Variants in EML1 observed in about 807,000 individuals in gnomAD.
EML1 encodes the protein EMAP like 1.
A neutral mutation model predicts 110.4 loss-of-function variants in EML1; 27 were observed. That is an observed-to-expected ratio of 0.24 (90% CI 0.18 to 0.34). The LOEUF is 0.34. Ranked by LOEUF, EML1 falls within the 10% of genes least tolerant of loss-of-function variation. EML1 has a pLI of 1.00. For synonymous variants in EML1, 344 were observed against 385.8 expected (o/e 0.89, Z 1.27); for missense variants, 741 against 1,030.9 (o/e 0.72, Z 3.85).
chr14:99,858,214 T>A (rs2058939272), intron 2 of EML1, among the ~76,000 whole-genome samples: 1 of 151,556 alleles, frequency 6.6e-6, no homozygotes, highest in Non-Finnish European at 1.5e-5. Flanking sequence ...GCAGAGTTTT[T>A]GCTCTTGTTG....
chr14:99,741,497 C>G (rs777419085), intron 1 of EML1, among the ~76,000 whole-genome samples: 1 of 152,084 alleles, frequency 6.6e-6, no homozygotes, highest in Non-Finnish European at 1.5e-5. Context: ...TCTCCAAGTA[C>G]CTCTCTCTGC....
intron 15 of EML1, 83 bp from the exon 16 acceptor site, chr14:99,917,699 G>T (rs1382314697): frequency 4.3e-6 from 3 of 689,702 alleles, no homozygotes; most frequent in Non-Finnish European, 6.9e-6. Flanking sequence ...GAGCGTTTGT[G>T]TGTGCACGCA....
chr14:99,858,775 G>A (rs1317534427), intron 2 of EML1, among the ~76,000 whole-genome samples: 1 of 152,168 alleles, frequency 6.6e-6, no homozygotes, highest in Non-Finnish European at 1.5e-5. Context: ...CTTAGCAAAA[G>A]CAGGTTGCCT....
At chr14:99,798,046 G>A (rs1595295702) in intron 1 of EML1, among the ~76,000 whole-genome samples, 1 of 152,134 alleles carries the variant, frequency 6.6e-6, no homozygotes, top group Non-Finnish European at 1.5e-5. Context: ...ACCTCTCCAG[G>A]CAATCCATTT....
chr14:99,832,714 A>G (rs1233310836), intron 1 of EML1, among the ~76,000 whole-genome samples: 1 of 152,042 alleles, frequency 6.6e-6, no homozygotes, highest in African/African-American at 2.4e-5. Flanking sequence ...AAATTGGGTT[A>G]TTCACTTTCT....
rs565561528 is a variant in EML1 at position 99,755,328 on chromosome 14, G to A, written c.28+17468G>A. Reference sequence around the variant, plus strand: ...GGGCTGCCGGAGGGGCCTGAGAGGCGCTATGCTGATGCTGCCAGAGAGTCA... The same window carrying A: ...GGGCTGCCGGAGGGGCCTGAGAGGCACTATGCTGATGCTGCCAGAGAGTCA... On this transcript the variant is annotated intron_variant, in intron 1 of 10. Transcript: ENST00000554479. Among the ~76,000 whole-genome samples the A allele has an allele frequency of 2.3e-3, 358 of 152,360 alleles. 2 individuals are homozygous for A. Among genetic ancestry groups the A allele is most frequent in the Middle Eastern group, 0.01 (3 of 294 alleles).
At chr14:99,815,864 T>A (rs186510919) in intron 1 of EML1, among the ~76,000 whole-genome samples, 1 of 152,288 alleles carries the variant, frequency 6.6e-6, no homozygotes, top group Non-Finnish European at 1.5e-5. Context: ...GCATCTTGTG[T>A]CATGCTCAGA....
chr14:99,846,183 A>G (rs1471249705), intron 1 of EML1, among the ~76,000 whole-genome samples: 3 of 151,590 alleles, frequency 2.0e-5, no homozygotes, highest in Non-Finnish European at 2.9e-5. Context: ...GCCACTTATT[A>G]TTATCTAAAT....
At chr14:99,866,341 C>T (rs924953904) in intron 3 of EML1, among the ~76,000 whole-genome samples, 2 of 152,076 alleles carry the variant, frequency 1.3e-5, no homozygotes, top group Non-Finnish European at 2.9e-5. Flanking sequence ...GAGGCCAAGG[C>T]GGGCAGATCA....
chr14:99,811,787 G>C (rs1482558186), intron 1 of EML1, among the ~76,000 whole-genome samples: 3 of 150,670 alleles, frequency 2.0e-5, no homozygotes, highest in African/African-American at 7.3e-5. Context: ...TCCAGACTAG[G>C]CAACAGGAAT....
chr14:99,938,483 C>T (rs566437979), intron 20 of EML1, among the ~76,000 whole-genome samples: 1 of 152,342 alleles, frequency 6.6e-6, no homozygotes, highest in East Asian at 1.9e-4. Context: ...GTCGAAAACC[C>T]AACGTGCATC....
At chr14:99,745,362 C>A (rs1228980894) in intron 1 of EML1, among the ~76,000 whole-genome samples, 5 of 152,170 alleles carry the variant, frequency 3.3e-5, no homozygotes, top group Non-Finnish European at 7.3e-5. Context: ...CATCATCCGG[C>A]CCCAAATGAC....
intron 20 of EML1, 107 bp downstream of exon 20, chr14:99,938,019 C>T (rs1389511053): frequency 6.3e-6 from 7 of 1,113,616 alleles, no homozygotes; most frequent in East Asian, 2.6e-5. Context: ...TCAGATTGCT[C>T]GGCTGCTACG....
At chr14:99,803,494 T>C (rs746614200) in intron 1 of EML1, among the ~76,000 whole-genome samples, 3 of 152,222 alleles carry the variant, frequency 2.0e-5, no homozygotes, top group Non-Finnish European at 2.9e-5. Context: ...AGGGACCTTA[T>C]TGGTAGAACC....
At chr14:99,808,822 CTCCT>C (rs1446675690) in intron 1 of EML1, among the ~76,000 whole-genome samples, 1 of 152,184 alleles carries the variant, frequency 6.6e-6, no homozygotes, top group Non-Finnish European at 1.5e-5. Flanking sequence ...ATAAAATGAT[CTCCT>C]TTCTAATATT....
intron 8 of EML1, 91 bp from the exon 9 acceptor site, chr14:99,900,838 A>C (rs1657581319): frequency 9.2e-7 from 1 of 1,083,028 alleles, no homozygotes; most frequent in Non-Finnish European, 1.4e-6. Flanking sequence ...ACAAAGTCCG[A>C]GTTACTGCCC....
chr14:99,807,935 G>A (rs1429322263), intron 1 of EML1, among the ~76,000 whole-genome samples: 1 of 152,122 alleles, frequency 6.6e-6, no homozygotes, highest in Non-Finnish European at 1.5e-5. Flanking sequence ...TGCTTACTGT[G>A]TGCCAAGAGT....
rs1236059830 is a variant in EML1, at chr14:99,910,270, G to C, written c.1268G>C (p.Cys423Ser). The C allele has an allele frequency of 4.3e-6, 7 of 1,612,998 alleles. No homozygotes were observed. The highest frequency in any genetic ancestry group is 5.1e-6 in the Non-Finnish European group (6 of 1,179,624). ...CAAGAAAAGCCAAAGTTTGTCCTCT[G>C]TGTGACTTTCTCTGAAAACGGTGAC... is the stretch of plus-strand genomic sequence containing the variant. ...EKQEKPKFVL[C>S]VTFSENGDTI... The change falls in exon 12 of 22, where the codon TGT becomes TCT. Residue 423 changes from cysteine (C) to serine (S), a missense_variant. Around this residue, in one of 4 missense-constraint regions of EML1, gnomAD observed 388 missense variants for 605.6 expected, o/e 0.64. Coordinates refer to ENST00000262233, the MANE Select transcript of EML1 (RefSeq NM_004434.3).
At chr14:99,830,619 C>T (rs954518848) in intron 1 of EML1, among the ~76,000 whole-genome samples, 12 of 151,808 alleles carry the variant, frequency 7.9e-5, no homozygotes, top group African/African-American at 1.7e-4. Flanking sequence ...GGTGCAATCT[C>T]GGCTCACTGC....
Sources: allele counts gnomAD v4.1 joint callset (sites outside exome capture counted in the v4.1 genomes callset), GRCh38; gene constraint gnomAD v4.1.1; regional missense constraint gnomAD v4.1.1; transcripts MANE v1.5; gene names NCBI Gene and HGNC (gene_info 2026-07-23, HGNC 2026-07-21).